Variants in ACADVL observed in about 807,000 individuals in gnomAD.
The protein encoded by ACADVL is acyl-CoA dehydrogenase very long chain, also known as very long-chain acyl-CoA dehydrogenase, mitochondrial.
A neutral mutation model predicts 80.4 loss-of-function variants in ACADVL; 73 were observed. The observed-to-expected ratio is 0.91, with a 90% confidence interval of 0.75 to 1.10. The LOEUF (loss-of-function observed/expected upper bound fraction) is 1.10, where lower values mean the gene tolerates loss of function less well. Among genes scored for constraint, ACADVL ranks in the 50% least tolerant of loss-of-function variants. ACADVL has a pLI of 0.00. For synonymous variants in ACADVL, 392 were observed against 326.5 expected, an observed-to-expected ratio of 1.20 and a Z score of -2.16; for missense variants, 878 against 858.9, an observed-to-expected ratio of 1.02 and a Z score of -0.28.
chr17:7,221,861 G>T, intron 7 of ACADVL, 91 bp from the exon 8 acceptor site: 2 of 1,606,410 alleles, frequency 1.2e-6, no homozygotes, highest in African/African-American at 1.3e-5. Flanking sequence ...AGGTGTTAAG[G>T]GGGAACTGCC....
rs1298858850 is a variant in ACADVL, at chr17:7,222,052, T to C, written c.723T>C (p.Tyr241=). The part of the protein sequence containing the change: ...SAVPSPCGKY[Y]TLNGSKLWIS... Reference sequence around the variant, plus strand: ...TGCCCAGCCCCTGTGGAAAATACTATACCCTCAATGGAAGCAAGCTTTGGA... The same window carrying C: ...TGCCCAGCCCCTGTGGAAAATACTACACCCTCAATGGAAGCAAGCTTTGGA... Residue 241 remains tyrosine (Y), a synonymous_variant, in exon 8 of 20, where the codon TAT becomes TAC. Transcript: ENST00000356839. The C allele has an allele frequency of 6.2e-7, 1 of 1,614,110 alleles. No individual in the cohort carries two copies.
chr17:7,223,912 A>C, intron 13 of ACADVL, 37 bp downstream of exon 13: 1 of 1,613,772 alleles, frequency 6.2e-7, no homozygotes. Context: ...CGGCTGGGCC[A>C]GGGGTGGGTA....
At position 7,224,937 on chromosome 17, in the gene ACADVL, C is replaced by A; in HGVS notation, c.1828-20C>A. On this transcript the variant is annotated intron_variant, in intron 19 of 19. Coordinates refer to ENST00000356839, the MANE Select transcript of ACADVL (RefSeq NM_000018.4). ...TGAGGGCTGGAGGTGCAGGCCCAAC[C>A]CCTCCTTCCCTCTCCCCAGGCTGCA... is the stretch of plus-strand genomic sequence containing the variant. 1 of 1,613,956 alleles carries A rather than the reference C, an allele frequency of 6.2e-7. No homozygotes were observed. The highest frequency in any genetic ancestry group is 1.3e-5 in the African/African-American group (1 of 75,016).
At chr17:7,218,275 A>G (rs754522496), upstream of ACADVL, 1 of 1,609,294 alleles carries the variant, frequency 6.2e-7, no homozygotes, top group South Asian at 1.1e-5. Context: ...ATAATAGTCC[A>G]GGATGTCTGT....
rs768144589 is a variant in ACADVL, at chr17:7,221,064, G to A, written c.477+6G>A. ...TGGGCCTTTGCAACACCCAGGTGAG[G>A]GCGCCCTATCGCCACATCCCAGTAT... On this transcript the variant is annotated splice_donor_region_variant and intron_variant, in intron 6 of 19. Coordinates refer to ENST00000356839, the MANE Select transcript of ACADVL (RefSeq NM_000018.4). 4 of 1,613,202 alleles carry A rather than the reference G, an allele frequency of 2.5e-6. No individual in the cohort carries two copies. In the Admixed American group the frequency reaches 6.7e-5, roughly 27 times the overall value.
intron 17 of ACADVL, 23 bp from the exon 18 acceptor site, chr17:7,224,619 C>T (rs1439725735): frequency 6.8e-7 from 1 of 1,459,982 alleles, no homozygotes; most frequent in Admixed American, 2.0e-5. Flanking sequence ...CCCACCCCCA[C>T]CCCCACCCCA....
intron 11 of ACADVL, chr17:7,223,442 A>T (rs1281564642): frequency 1.2e-6 from 1 of 804,496 alleles, no homozygotes; most frequent in African/African-American, 1.7e-5. Context: ...GCAGTACCAG[A>T]AGTTAATTCT....
In ACADVL at chr17:7,222,018, C is replaced by T. The variant is rs1241935771; in HGVS notation, c.689C>T (p.Thr230Ile). The change falls in exon 8 of 20, where the codon ACC (threonine) becomes ATC (isoleucine). Residue 230 changes from threonine (T) to isoleucine (I), a missense_variant. Transcript: ENST00000356839. The stretch of plus-strand genomic sequence containing the variant: ...GGGTCAGATGCAGCCTCCATCCGAA[C>T]CTCTGCTGTGCCCAGCCCCTGTGGA... ...SSGSDAASIRTSAVPSPCGKY... is the reference protein window; with the variant it reads ...SSGSDAASIRISAVPSPCGKY... The T allele has an allele frequency of 1.1e-5, 17 of 1,614,086 alleles. No homozygotes were observed. Among genetic ancestry groups the T allele is most frequent in the Non-Finnish European group, 1.4e-5 (16 of 1,180,026 alleles).
Position 7,223,029 on chromosome 17 carries a change from T to C in ACADVL, c.1078-104T>C, listed in dbSNP as rs575076994. ...TCTCCATCCAGCGTAGACTGAACTCTGGTTGTATGCAAAACCCATCCCTCT... is the reference window on the plus strand; with the variant it reads ...TCTCCATCCAGCGTAGACTGAACTCCGGTTGTATGCAAAACCCATCCCTCT... On this transcript the variant is annotated intron_variant, in intron 10 of 19. Coordinates refer to ENST00000356839, the MANE Select transcript of ACADVL (RefSeq NM_000018.4). 2.8e-4 allele frequency: 408 copies of C among 1,457,934 alleles called. 5 individuals carry two copies. The highest frequency in any genetic ancestry group is 2.8e-5 in the African/African-American group (2 of 71,742). 90.3% of individuals were successfully genotyped at this position (1,457,934 alleles called of 1,614,324 possible).
Position 7,220,174 on chromosome 17 carries a change from C to A in ACADVL, c.115C>A (p.Pro39Thr). 1 of 1,536,624 alleles carries A rather than the reference C, an allele frequency of 6.5e-7. No individual in the cohort carries two copies. The stretch of plus-strand genomic sequence containing the variant: ...GCCCCGGCCCGGCCCTGCCCGGCGG[C>A]CCTATGCCGGGGGTGCCGCTCAGGT... The part of the protein sequence containing the change: ...GQPRPGPARR[P>T]YAGGAAQLAL... Residue 39 changes from proline to threonine, a missense_variant, in exon 2 of 20, where the codon CCC (proline) becomes ACC (threonine). By Grantham distance (38) the Pro-to-Thr change is conservative. Coordinates refer to ENST00000356839, the MANE Select transcript of ACADVL (RefSeq NM_000018.4).
chr17:7,218,421 T>C, upstream of ACADVL: 1 of 1,374,290 alleles, frequency 7.3e-7, no homozygotes, highest in South Asian at 1.2e-5. Flanking sequence ...GAGGACACCA[T>C]AGGCAGGACC....
chr17:7,217,418 G>T, upstream of ACADVL: 1 of 268,584 alleles, frequency 3.7e-6, no homozygotes, highest in Non-Finnish European at 6.2e-6. Flanking sequence ...AGGGGCGGGG[G>T]CACCGGGGGC....
chr17:7,220,687 G>A lies in ACADVL; in HGVS notation c.277+11G>A. 5 of 1,614,196 alleles carry A rather than the reference G, an allele frequency of 3.1e-6. No individual in the cohort carries two copies. Among genetic ancestry groups the A allele is most frequent in the Non-Finnish European group, 4.2e-6 (5 of 1,180,032 alleles). ...TCCCATACCCGTCCGGTAAGGGAAGGGATAATCAGAGCTGGGTGGGGCCAG... is the reference window on the plus strand; with the variant it reads ...TCCCATACCCGTCCGGTAAGGGAAGAGATAATCAGAGCTGGGTGGGGCCAG... On this transcript the variant is annotated intron_variant, in intron 4 of 19. Transcript: ENST00000356839.
At chr17:7,217,174 G>A (rs1555526472), upstream of ACADVL, 3 of 1,283,716 alleles carry the variant, frequency 2.3e-6, no homozygotes, top group Non-Finnish European at 3.0e-6. Context: ...GCGGCGGCGG[G>A]TAAGGGGCTC....
intron 16 of ACADVL, 25 bp downstream of exon 16, chr17:7,224,418 G>C (rs2071377735): frequency 1.2e-6 from 2 of 1,613,814 alleles, no homozygotes; most frequent in African/African-American, 1.3e-5. Context: ...GTCCAGGAGA[G>C]CCTGCATCAG....
Position 7,224,197 on chromosome 17 carries a change from G to T in ACADVL, c.1486G>T (p.Gly496Trp), listed in dbSNP as rs1161498537. The change falls in exon 15 of 20, where the codon GGG (glycine) becomes TGG (tryptophan). Residue 496 changes from glycine (G) to tryptophan (W), a missense_variant. Coordinates refer to ENST00000356839, the MANE Select transcript of ACADVL (RefSeq NM_000018.4). ...TGGCAGTGCTCTAAAGAATCCCTTTGGGAATGCTGGCCTCCTGCTAGGAGA... is the reference window on the plus strand; with the variant it reads ...TGGCAGTGCTCTAAAGAATCCCTTTTGGAATGCTGGCCTCCTGCTAGGAGA... ...GLGSALKNPFGNAGLLLGEAG... is the reference protein window; with the variant it reads ...GLGSALKNPFWNAGLLLGEAG... 4.3e-6 allele frequency: 7 copies of T among 1,614,112 alleles called. No homozygotes were observed. Among genetic ancestry groups the T allele is most frequent in the Non-Finnish European group, 5.9e-6 (7 of 1,180,022 alleles).
At chr17:7,221,364 T>C in intron 6 of ACADVL, 174 bp from the exon 7 acceptor site, 1 of 1,174,798 alleles carries the variant, frequency 8.5e-7, no homozygotes, top group Non-Finnish European at 1.2e-6. Context: ...CATTCTCTGC[T>C]GTGCCCTTTG....
intron 6 of ACADVL, 169 bp from the exon 7 acceptor site, chr17:7,221,369 C>T (rs8074626): frequency 1.6e-6 from 2 of 1,222,462 alleles, no homozygotes; most frequent in Non-Finnish European, 1.2e-6. Flanking sequence ...TCTGCTGTGC[C>T]CTTTGCACAC....
rs772055899 is a variant in ACADVL, at chr17:7,221,954, G to A, written c.625G>A (p.Glu209Lys). Residue 209 changes from glutamate (E) to lysine (K), a missense_variant and splice_region_variant, in exon 8 of 20, where the codon GAG (glutamate) becomes AAG (lysine). Physicochemically the swap from Glu to Lys is moderately conservative, Grantham distance 56 (BLOSUM62 1). Transcript: ENST00000356839. The part of the protein sequence containing the change: ...EKYLPKLASG[E>K]TVAAFCLTEP... Reference sequence around the variant, plus strand: ...TAAAGTAGCTCTCTCCCCAACAGGGGAGACTGTGGCCGCTTTCTGTCTAAC... The same window carrying A: ...TAAAGTAGCTCTCTCCCCAACAGGGAAGACTGTGGCCGCTTTCTGTCTAAC... 1.2e-6 allele frequency: 2 copies of A among 1,614,102 alleles called. No individual in the cohort carries two copies. Among genetic ancestry groups the A allele is most frequent in the South Asian group, 2.2e-5 (2 of 91,080 alleles).
Sources: gnomAD v4.1 joint callset for allele counts on GRCh38, gnomAD v4.1.1 for gene constraint, MANE v1.5 for transcripts, NCBI Gene and HGNC (gene_info 2026-07-23, HGNC 2026-07-21) for gene names.